The following CSMD1 variants were observed in gnomAD, a reference collection of about 807,000 sequenced individuals.
CSMD1 encodes CUB and Sushi multiple domains 1.
In CSMD1, 213 loss-of-function variants were observed where a neutral mutation model predicts 417.5. That is an observed-to-expected ratio of 0.51 (90% confidence interval 0.46 to 0.57). CSMD1 has a LOEUF of 0.57. Among genes scored for constraint, CSMD1 ranks in the 20% least tolerant of loss-of-function variants. The pLI is 0.00. For synonymous variants in CSMD1, 2,862 were observed against 1,736.8 expected (o/e 1.65, Z -16.11); for missense variants, 6,923 against 4,529.7 (o/e 1.53, Z -15.17).
At chr8:3,026,187 G>C (rs1411100831) in intron 51 of CSMD1, among the ~76,000 whole-genome samples, 8 of 152,200 alleles carry the variant, frequency 5.3e-5, no homozygotes, top group African/African-American at 1.9e-4. Context: ...ACTCAGGAGA[G>C]GGCCTGGTGG....
At chr8:3,025,047 T>C (rs1809752365) in intron 51 of CSMD1, among the ~76,000 whole-genome samples, 1 of 150,030 alleles carries the variant, frequency 6.7e-6, no homozygotes, top group Non-Finnish European at 1.5e-5. Context: ...TGAAACCCTG[T>C]ATTGTGTGGT....
chr8:4,700,059 A>C (rs1039791758), intron 1 of CSMD1, among the ~76,000 whole-genome samples: 8 of 152,176 alleles, frequency 5.3e-5, no homozygotes, highest in African/African-American at 1.9e-4. Flanking sequence ...GAAACCACTG[A>C]GTCCTTTTCC....
In CSMD1 at chr8:3,742,385, A is replaced by G. The variant is rs12546653; in HGVS notation, c.931+11545T>C. ...CTGACCCGAATATTTTTCAAGAACTATAAGTAAAATTGTAAACTCCTGCAG... is the reference window on the plus strand; with the variant it reads ...CTGACCCGAATATTTTTCAAGAACTGTAAGTAAAATTGTAAACTCCTGCAG... On this transcript the variant is annotated intron_variant, in intron 6 of 69. Transcript: ENST00000635120. Among the ~76,000 whole-genome samples the G allele has an allele frequency of 3.1e-3, 476 of 152,354 alleles. 2 individuals are homozygous for G. Among genetic ancestry groups the G allele is most frequent in the Non-Finnish European group, 5.2e-3 (354 of 68,030 alleles).
chr8:3,115,200 C>A (rs1241728239), intron 42 of CSMD1, among the ~76,000 whole-genome samples: 1 of 140,258 alleles, frequency 7.1e-6, no homozygotes, highest in Admixed American at 7.2e-5. Context: ...ACAATCCCCC[C>A]CCCCCCTTTT....
intron 3 of CSMD1, among the ~76,000 whole-genome samples, chr8:4,175,628 G>C (rs1310379108): frequency 6.6e-6 from 1 of 152,130 alleles, no homozygotes; most frequent in Non-Finnish European, 1.5e-5. Context: ...AGCATAATTT[G>C]TGATGGCAAA....
intron 3 of CSMD1, among the ~76,000 whole-genome samples, chr8:4,038,896 C>T (rs745433843): frequency 6.5e-4 from 99 of 152,224 alleles, no homozygotes; most frequent in Admixed American, 2.6e-3. Context: ...AATATGCACA[C>T]GAAAATTCCC....
intron 12 of CSMD1, among the ~76,000 whole-genome samples, chr8:3,465,417 G>C (rs530744859): frequency 6.6e-6 from 1 of 152,150 alleles, no homozygotes; most frequent in Non-Finnish European, 1.5e-5. Flanking sequence ...GGGAATGATG[G>C]AGGCCACAGG....
At chr8:4,599,710 C>G (rs759391995) in intron 2 of CSMD1, among the ~76,000 whole-genome samples, 4 of 152,178 alleles carry the variant, frequency 2.6e-5, no homozygotes, top group Admixed American at 1.3e-4. Flanking sequence ...GATAGCCAGT[C>G]ATAGCAACCA....
chr8:3,831,775 G>A (rs1802391593), intron 5 of CSMD1, among the ~76,000 whole-genome samples: 1 of 152,076 alleles, frequency 6.6e-6, no homozygotes, highest in African/African-American at 2.4e-5. Context: ...ATAGCCATTT[G>A]GGATATTTTT....
chr8:4,835,586 A>C (rs1057063706), intron 1 of CSMD1, among the ~76,000 whole-genome samples: 1 of 152,194 alleles, frequency 6.6e-6, no homozygotes. Context: ...TTATCCTAAC[A>C]CAAATTTTAT....
At chr8:3,875,847 G>A (rs9314507) in intron 5 of CSMD1, among the ~76,000 whole-genome samples, 29,117 of 152,142 alleles carry the variant, frequency 0.19, 3,097 homozygotes, top group African/African-American at 0.3. Flanking sequence ...ATCAAGGATT[G>A]CCTTTTGGAA....
At chr8:4,413,118 G>A (rs1037578164) in intron 3 of CSMD1, among the ~76,000 whole-genome samples, 1 of 152,154 alleles carries the variant, frequency 6.6e-6, no homozygotes, top group Non-Finnish European at 1.5e-5. Flanking sequence ...AATTAAGAAA[G>A]ATGGATATAT....
intron 3 of CSMD1, among the ~76,000 whole-genome samples, chr8:4,071,783 C>G (rs908493642): frequency 6.6e-6 from 1 of 152,022 alleles, no homozygotes; most frequent in Non-Finnish European, 1.5e-5. Context: ...TATTCCTTGG[C>G]AGGAAATTAA....
At chr8:4,540,867 G>C (rs150129231) in intron 2 of CSMD1, among the ~76,000 whole-genome samples, 5 of 152,090 alleles carry the variant, frequency 3.3e-5, no homozygotes, top group African/African-American at 1.2e-4. Flanking sequence ...AGCAACACAG[G>C]AAGTCTGACT....
chr8:3,209,890 G>A (rs1797505379), intron 30 of CSMD1, among the ~76,000 whole-genome samples: 1 of 152,042 alleles, frequency 6.6e-6, no homozygotes, highest in Non-Finnish European at 1.5e-5. Context: ...CAACCACATA[G>A]AACCAAATTG....
intron 6 of CSMD1, among the ~76,000 whole-genome samples, chr8:3,733,918 G>C (rs546484437): frequency 6.6e-6 from 1 of 152,224 alleles, no homozygotes; most frequent in Non-Finnish European, 1.5e-5. Flanking sequence ...TGTAGGGTTT[G>C]GTGTTAGCCA....
chr8:4,924,154 A>C (rs62488174), intron 1 of CSMD1, among the ~76,000 whole-genome samples: 2,625 of 152,310 alleles, frequency 0.017, 58 homozygotes, highest in African/African-American at 0.046. Flanking sequence ...CAGACACTCG[A>C]TGTTGAATAC....
In CSMD1 at chr8:3,499,335, C is replaced by G. The variant is rs374469354; in HGVS notation, c.1345-5609G>C. On this transcript the variant is annotated intron_variant, in intron 10 of 69. Transcript: ENST00000635120. ...TGGAAGTGTTGGTTCAGCTCTAATG[C>G]AGATGGAGACTTTGGGGTGGCCTTG... 2.6e-5 allele frequency among the ~76,000 whole-genome samples: 4 copies of G among 152,142 alleles called. No homozygotes were observed. In the East Asian group the frequency reaches 7.8e-4, roughly 29 times the overall value.
At chr8:4,366,903 G>A (rs964657877) in intron 3 of CSMD1, among the ~76,000 whole-genome samples, 30 of 151,728 alleles carry the variant, frequency 2.0e-4, no homozygotes, top group African/African-American at 6.5e-4. Context: ...GTTGTTTTTC[G>A]TTTGCTGATT....
Sources: gnomAD v4.1 joint callset for allele counts (sites outside exome capture counted in the v4.1 genomes callset) on GRCh38, gnomAD v4.1.1 for gene constraint, MANE v1.5 for transcripts, NCBI Gene and HGNC (gene_info 2026-07-23, HGNC 2026-07-21) for gene names.